Variants in LRRC57 observed in about 807,000 individuals in gnomAD.
LRRC57 encodes the protein leucine rich repeat containing 57, also known as leucine-rich repeat-containing protein 57.
LRRC57 carries 14 observed loss-of-function variants against 23.1 expected under a neutral mutation model. That is an observed-to-expected ratio of 0.61 (90% CI 0.40 to 0.95). LRRC57 has a LOEUF of 0.95. Among genes scored for constraint, LRRC57 ranks in the 40% least tolerant of loss-of-function variants. The probability of loss-of-function intolerance (pLI) is 0.00; values close to 1 mark genes in which losing one functional copy is unlikely to be tolerated. For synonymous variants in LRRC57, 106 were observed against 115.2 expected (o/e 0.92, Z 0.51); for missense variants, 236 against 284.4 (o/e 0.83, Z 1.22).
At chr15:42,548,315 C>CT in intron 2 of LRRC57, 36 bp downstream of exon 2, 1 of 1,614,112 alleles carries the variant, frequency 6.2e-7, no homozygotes, top group Non-Finnish European at 8.5e-7. Flanking sequence ...GTCCCTCTCC[C>CT]TTTAAGTTCC....
chr15:42,531,172 CG>C, the LRRC57 span, among the ~76,000 whole-genome samples: 5 of 152,098 alleles, frequency 3.3e-5, no homozygotes, highest in Non-Finnish European at 5.9e-5. Context: ...TGAAAAAATG[CG>C]TTATAGAATT....
chr15:42,548,042 T>A (rs1473353596), intron 3 of LRRC57, 64 bp downstream of exon 3: 1 of 1,574,862 alleles, frequency 6.3e-7, no homozygotes, highest in African/African-American at 1.4e-5. Flanking sequence ...AATCAGCTTG[T>A]AAGAGAAAAC....
chr15:42,532,036 T>A, the LRRC57 span: 1 of 152,218 alleles, frequency 6.6e-6, no homozygotes, highest in African/African-American at 2.4e-5. Flanking sequence ...ACGTTTTTGT[T>A]AGGCATCACA....
At position 42,540,980 on chromosome 15, in the gene LRRC57, C is replaced by T. The variant is rs909616459; in HGVS notation, c.*3103G>A. On this transcript the variant is annotated 3_prime_UTR_variant, in exon 6 of 6. Coordinates refer to ENST00000397130, the MANE Select transcript of LRRC57 (RefSeq NM_153260.3). ...CTGGGAGGCAGAGGTTGCAATGAGC[C>T]AAGATCGCACCACTGCACTCCAGCC... The T allele has an allele frequency of 2.0e-5, 3 of 149,872 alleles. No individual in the cohort carries two copies. The highest frequency in any genetic ancestry group is 7.4e-5 in the African/African-American group (3 of 40,568). 9.3% of individuals were successfully genotyped at this position (149,872 alleles called of 1,614,324 possible).
rs919393201 is a variant in LRRC57 at position 42,541,058 on chromosome 15, C to G, written c.*3025G>C. ...GAAAAAAAAAAAAAATGTATAAGTT[C>G]TGATTTATTAGATGAGAAGTACTGA... On this transcript the variant is annotated 3_prime_UTR_variant, in exon 6 of 6. Coordinates refer to ENST00000397130, the MANE Select transcript of LRRC57 (RefSeq NM_153260.3). 1 of 151,694 alleles carries G rather than the reference C, an allele frequency of 6.6e-6. No individual in the cohort carries two copies. Among genetic ancestry groups the G allele is most frequent in the Non-Finnish European group, 1.5e-5 (1 of 67,918 alleles). 9.4% of individuals were successfully genotyped at this position (151,694 alleles called of 1,614,324 possible).
At chr15:42,529,864 G>C in the LRRC57 span, 1 of 1,597,908 alleles carries the variant, frequency 6.3e-7, no homozygotes, top group Non-Finnish European at 8.5e-7. Flanking sequence ...ACCCAGTTCA[G>C]TGTTTCAGTA....
At chr15:42,531,296 T>C in the LRRC57 span, 24 of 585,764 alleles carry the variant, frequency 4.1e-5, no homozygotes, top group African/African-American at 4.4e-4. Flanking sequence ...AGTTTTGTAA[T>C]GTAACTTCAC....
downstream of LRRC57, among the ~76,000 whole-genome samples, chr15:42,536,918 T>C (rs1181241550): frequency 6.6e-6 from 1 of 152,186 alleles, no homozygotes; most frequent in Non-Finnish European, 1.5e-5. Flanking sequence ...CTCTTCAAGT[T>C]TCCAGTCTTA....
downstream of LRRC57, among the ~76,000 whole-genome samples, chr15:42,536,908 C>T (rs2057603055): frequency 6.6e-6 from 1 of 152,150 alleles, no homozygotes; most frequent in Admixed American, 6.5e-5. Context: ...ACTAAGCTCC[C>T]TCTTCAAGTT....
At chr15:42,530,320 G>A in the LRRC57 span, among the ~76,000 whole-genome samples, 3 of 152,152 alleles carry the variant, frequency 2.0e-5, no homozygotes, top group Admixed American at 2.0e-4. Flanking sequence ...AATCTGTTCT[G>A]CAGAATAGTT....
At chr15:42,547,752 T>A in intron 3 of LRRC57, 1 of 558,148 alleles carries the variant, frequency 1.8e-6, no homozygotes, top group Non-Finnish European at 3.1e-6. Flanking sequence ...GGGCTCCTTT[T>A]GTAAAGGGGC....
downstream of LRRC57, among the ~76,000 whole-genome samples, chr15:42,533,297 C>T (rs186316233): frequency 7.3e-4 from 111 of 152,302 alleles, no homozygotes; most frequent in African/African-American, 2.5e-3. Flanking sequence ...TAGTCTTACT[C>T]ACTTGAGCTT....
Position 42,541,761 on chromosome 15 carries a change from CT to C in LRRC57, c.*2321del, listed in dbSNP as rs1305170753. ...TCCTCTACCTTTGTACCTTCAGATT[CT>C]TTTTTTTTTTTTTTTGAGATGGAGT... On this transcript the variant is annotated 3_prime_UTR_variant, in exon 6 of 6. Coordinates refer to ENST00000397130, the MANE Select transcript of LRRC57 (RefSeq NM_153260.3). The C allele has an allele frequency of 0.013, 1,807 of 136,814 alleles. 21 individuals are homozygous for C. The highest frequency in any genetic ancestry group is 0.041 in the African/African-American group (1,528 of 37,514). 8.5% of individuals were successfully genotyped at this position (136,814 alleles called of 1,614,324 possible).
the LRRC57 span, among the ~76,000 whole-genome samples, chr15:42,530,619 A>G: frequency 6.6e-6 from 1 of 152,042 alleles, no homozygotes; most frequent in Non-Finnish European, 1.5e-5. Context: ...GCATGGTGGC[A>G]TGTGCCTATT....
At chr15:42,533,503 T>TAAG (rs142239093), downstream of LRRC57, among the ~76,000 whole-genome samples, 7,576 of 152,222 alleles carry the variant, frequency 0.05, 612 homozygotes, top group African/African-American at 0.17. Context: ...ATATGTAAAG[T>TAAG]AAGGTGTAAA....
the LRRC57 span, among the ~76,000 whole-genome samples, chr15:42,530,243 C>G: frequency 6.6e-6 from 1 of 152,114 alleles, no homozygotes; most frequent in Non-Finnish European, 1.5e-5. Flanking sequence ...CCACATCAGC[C>G]TATTTTGTTA....
rs377167695 is a variant in LRRC57, at chr15:42,548,344, G to A, written c.84+7C>T. 1 of 1,614,090 alleles carries A rather than the reference G, an allele frequency of 6.2e-7. No individual in the cohort carries two copies. The highest frequency in any genetic ancestry group is 1.3e-5 in the African/African-American group (1 of 74,948). Reference sequence around the variant, plus strand: ...AAGTTCCCTGGTCGTGTCCCTCCCAGTCTCACCTCGGTCAGCCCTCGGTCC... The same window carrying A: ...AAGTTCCCTGGTCGTGTCCCTCCCAATCTCACCTCGGTCAGCCCTCGGTCC... On this transcript the variant is annotated splice_region_variant and intron_variant, in intron 2 of 5. Coordinates refer to ENST00000397130, the MANE Select transcript of LRRC57 (RefSeq NM_153260.3).
Position 42,548,112 on chromosome 15 carries a change from T to C in LRRC57, c.217A>G (p.Lys73Glu), listed in dbSNP as rs1595541004. The change falls in exon 3 of 6, where the codon AAA becomes GAA. Residue 73 changes from lysine to glutamate, a missense_variant. Coordinates refer to ENST00000397130, the MANE Select transcript of LRRC57 (RefSeq NM_153260.3). ...TCCCTGGCGAGAGCCATACTCAGTT[T>C]GTTGTTGTTCAGGGAGAGGCTCTTC... ...LLKSLSLNNN[K>E]LTVLPDEICN... The C allele has an allele frequency of 1.2e-6, 2 of 1,614,074 alleles. No individual in the cohort carries two copies. Among genetic ancestry groups the C allele is most frequent in the African/African-American group, 2.7e-5 (2 of 74,936 alleles).
chr15:42,545,290 G>A (rs1209508352), intron 4 of LRRC57, 28 bp from the exon 5 acceptor site: 2 of 1,512,174 alleles, frequency 1.3e-6, no homozygotes, highest in Non-Finnish European at 8.9e-7. Flanking sequence ...AAGAATAACA[G>A]GAAAAAGCAT....
Sources: gnomAD v4.1 joint callset for allele counts (sites outside exome capture counted in the v4.1 genomes callset) on GRCh38, gnomAD v4.1.1 for gene constraint, MANE v1.5 for transcripts, NCBI Gene and HGNC (gene_info 2026-07-23, HGNC 2026-07-21) for gene names.